The following LMBRD2 variants were observed in gnomAD, a reference collection of about 807,000 sequenced individuals.
LMBRD2 encodes G protein-coupled receptor-associated protein LMBRD2.
LMBRD2 carries 55 observed loss-of-function variants against 94.4 expected under a neutral mutation model. That is an observed-to-expected ratio of 0.58 (90% CI 0.47 to 0.73). LMBRD2 has a LOEUF of 0.73. Among genes scored for constraint, LMBRD2 ranks in the 30% least tolerant of loss-of-function variants. The pLI, the probability that LMBRD2 is intolerant of heterozygous loss-of-function variation, is 0.00. For synonymous variants in LMBRD2, 246 were observed against 272.4 expected (o/e 0.90, Z 0.95); for missense variants, 640 against 831.9 (o/e 0.77, Z 2.84).
rs1419807734 is a variant in LMBRD2, at chr5:36,142,599, T to A, written c.175A>T (p.Thr59Ser). 1 of 1,575,980 alleles carries A rather than the reference T, an allele frequency of 6.3e-7. No individual in the cohort carries two copies. Among genetic ancestry groups the A allele is most frequent in the Admixed American group, 1.7e-5 (1 of 59,944 alleles). ...GCATGCTTGCACCGGTTGTATATTGTCTAAAGCAACGAATGTATGGTTTAA... is the reference window on the plus strand; with the variant it reads ...GCATGCTTGCACCGGTTGTATATTGACTAAAGCAACGAATGTATGGTTTAA... The part of the protein sequence containing the change: ...VFILPLDVST[T>S]IYNRCKHAAA... Residue 59 changes from threonine to serine, a missense_variant and splice_region_variant, in exon 3 of 18, where the codon ACA (threonine) becomes TCA (serine). Coordinates refer to ENST00000296603, the MANE Select transcript of LMBRD2 (RefSeq NM_001007527.2).
Position 36,103,341 on chromosome 5 carries a change from C to T in LMBRD2, c.*705G>A, listed in dbSNP as rs370123514. The T allele has an allele frequency of 1.3e-5, 2 of 152,170 alleles. No homozygotes were observed. The highest frequency in any genetic ancestry group is 1.9e-4 in the East Asian group (1 of 5,174). 9.4% of individuals were successfully genotyped at this position (152,170 alleles called of 1,614,324 possible). On this transcript the variant is annotated 3_prime_UTR_variant, in exon 18 of 18. Transcript: ENST00000296603. Reference sequence around the variant, plus strand: ...AATGAAAATCTTTTATAAAGCAATACCAGAAGCATAAAAAAATCCAGTTAC... The same window carrying T: ...AATGAAAATCTTTTATAAAGCAATATCAGAAGCATAAAAAAATCCAGTTAC...
rs1345836351 is a variant in LMBRD2 at position 36,100,541 on chromosome 5, G to A, written c.*3505C>T. The A allele has an allele frequency of 1.3e-5, 2 of 151,910 alleles. No individual in the cohort carries two copies. Among genetic ancestry groups the A allele is most frequent in the African/African-American group, 4.8e-5 (2 of 41,384 alleles). The allele number at this position is 151,910 out of a possible 1,614,324, so 9.4% of individuals were successfully genotyped here. ...AACATAGGCCTCAGAAAGGAAGAAA[G>A]GTATAAAGGAATGAGAGAGGACATA... is the stretch of plus-strand genomic sequence containing the variant. On this transcript the variant is annotated 3_prime_UTR_variant, in exon 18 of 18. Transcript: ENST00000296603.
chr5:36,113,526 A>G (rs1324670573), intron 13 of LMBRD2, among the ~76,000 whole-genome samples: 1 of 152,186 alleles, frequency 6.6e-6, no homozygotes, highest in East Asian at 1.9e-4. Context: ...TACTTATAAG[A>G]AAGTAAAATA....
chr5:36,142,379 G>C (rs920675708), intron 3 of LMBRD2, 123 bp downstream of exon 3: 1 of 543,352 alleles, frequency 1.8e-6, no homozygotes. Flanking sequence ...AATAGAGGTG[G>C]GGAGAATTAG....
intron 2 of LMBRD2, 103 bp from the exon 3 acceptor site, chr5:36,142,702 G>C (rs1357941839): frequency 6.6e-5 from 42 of 640,066 alleles, no homozygotes; most frequent in South Asian, 4.4e-4. Flanking sequence ...TTACCTTCTT[G>C]GCTATGCTTT....
chr5:36,113,153 A>G (rs1743654013), intron 13 of LMBRD2, among the ~76,000 whole-genome samples: 1 of 152,172 alleles, frequency 6.6e-6, no homozygotes, highest in Admixed American at 6.5e-5. Flanking sequence ...TGGGCCTGGT[A>G]GTTAAAAATC....
Position 36,099,082 on chromosome 5 carries a change from T to A in LMBRD2, c.*4964A>T, listed in dbSNP as rs1743297287. 6.6e-6 allele frequency: 1 copy of A among 152,118 alleles called. No individual in the cohort carries two copies. 9.4% of individuals were successfully genotyped at this position (152,118 alleles called of 1,614,324 possible). A position where few individuals can be genotyped will look rare whatever the true frequency, so the allele number is the denominator to read the frequency against. ...ATTAGGTTTTTGGTATATTAATAAT[T>A]TGCTTGTGTATTGGTATATATAAAA... is the stretch of plus-strand genomic sequence containing the variant. On this transcript the variant is annotated 3_prime_UTR_variant, in exon 18 of 18. Coordinates refer to ENST00000296603, the MANE Select transcript of LMBRD2 (RefSeq NM_001007527.2).
rs930187198 is a variant in LMBRD2, at chr5:36,103,231, A to T, written c.*815T>A. The T allele has an allele frequency of 6.6e-6, 1 of 152,250 alleles. No homozygotes were observed. The highest frequency in any genetic ancestry group is 2.4e-5 in the African/African-American group (1 of 41,416). 9.4% of individuals were successfully genotyped at this position (152,250 alleles called of 1,614,324 possible). On this transcript the variant is annotated 3_prime_UTR_variant, in exon 18 of 18. Transcript: ENST00000296603. ...ACTACTTAAAAAAAAACTATTTTTC[A>T]TTAATGCCTAGGATTTATCCTTGAA...
chr5:36,141,058 T>C, intron 4 of LMBRD2, 49 bp downstream of exon 4: 1 of 986,870 alleles, frequency 1.0e-6, no homozygotes, highest in Non-Finnish European at 1.6e-6. Flanking sequence ...AAAAACATTT[T>C]ATTCCTTTAG....
intron 6 of LMBRD2, among the ~76,000 whole-genome samples, chr5:36,128,051 G>A (rs1744047135): frequency 1.3e-5 from 2 of 152,160 alleles, no homozygotes; most frequent in African/African-American, 2.4e-5. Context: ...GGCAGCTCAG[G>A]ACAAAGAGAA....
At chr5:36,145,735 AT>A (rs1290155013) in intron 1 of LMBRD2, among the ~76,000 whole-genome samples, 2 of 152,210 alleles carry the variant, frequency 1.3e-5, no homozygotes, top group Non-Finnish European at 2.9e-5. Flanking sequence ...TATGACAATC[AT>A]ACAAAAAAAA....
Position 36,111,219 on chromosome 5 carries a change from C to T in LMBRD2, c.1680G>A (p.Gln560=), listed in dbSNP as rs1162194461. The T allele has an allele frequency of 1.9e-6, 3 of 1,612,152 alleles. No individual in the cohort carries two copies. The South Asian group carries it at 3.3e-5, about 18-fold the overall frequency. ...TRCLNLLGFQ[Q]FMGDDDMTSD... ...ATGTCATATCATCATCTCCCATAAA[C>T]TGCTGGAAACCGAGCAGATTCAAAC... Residue 560 remains glutamine, a synonymous_variant, in exon 14 of 18, where the codon CAG becomes CAA. Transcript: ENST00000296603.
At chr5:36,137,048 T>G (rs1744288473) in intron 5 of LMBRD2, among the ~76,000 whole-genome samples, 1 of 152,152 alleles carries the variant, frequency 6.6e-6, no homozygotes, top group Non-Finnish European at 1.5e-5. Flanking sequence ...TATATAGCCA[T>G]TAGACTAATC....
chr5:36,117,993 C>A (rs1387241540), intron 9 of LMBRD2, 77 bp from the exon 10 acceptor site: 3 of 1,104,554 alleles, frequency 2.7e-6, no homozygotes, highest in African/African-American at 3.2e-5. Context: ...CAAAATAGCT[C>A]CTAATAAGAT....
intron 6 of LMBRD2, among the ~76,000 whole-genome samples, chr5:36,124,529 T>G (rs1369021113): frequency 6.6e-6 from 1 of 152,214 alleles, no homozygotes; most frequent in East Asian, 1.9e-4. Flanking sequence ...GAATAAGCAC[T>G]ATTTAAAAGT....
At chr5:36,125,345 G>T (rs887854754) in intron 6 of LMBRD2, among the ~76,000 whole-genome samples, 1 of 152,058 alleles carries the variant, frequency 6.6e-6, no homozygotes, top group East Asian at 1.9e-4. Flanking sequence ...GGGTTTTAAG[G>T]GATACAAAAC....
chr5:36,149,049 C>T (rs1222587833), intron 1 of LMBRD2, among the ~76,000 whole-genome samples: 3 of 152,090 alleles, frequency 2.0e-5, no homozygotes, highest in East Asian at 1.9e-4. Context: ...AATTAGAATC[C>T]GTTTGTTCTT....
intron 6 of LMBRD2, among the ~76,000 whole-genome samples, chr5:36,136,047 G>A (rs1744262059): frequency 6.6e-6 from 1 of 152,172 alleles, no homozygotes; most frequent in African/African-American, 2.4e-5. Context: ...ACTATTAAAA[G>A]TTACCTCAAA....
At chr5:36,137,573 C>G in intron 4 of LMBRD2, 132 bp from the exon 5 acceptor site, 1 of 519,808 alleles carries the variant, frequency 1.9e-6, no homozygotes, top group Non-Finnish European at 3.3e-6. Context: ...TATAAGTAAT[C>G]ATGAATACTT....
Sources: gnomAD v4.1 joint callset for allele counts (sites outside exome capture counted in the v4.1 genomes callset) on GRCh38, gnomAD v4.1.1 for gene constraint, MANE v1.5 for transcripts, NCBI Gene and HGNC (gene_info 2026-07-23, HGNC 2026-07-21) for gene names.